SULF2: variants seen among roughly 807,000 people sequenced by gnomAD.
SULF2 encodes sulfatase 2.
Under a neutral mutation model 107.7 loss-of-function variants are expected in SULF2, and 52 were observed. The ratio of observed to expected loss-of-function variants is 0.48; its 90% CI spans 0.39 to 0.61. The LOEUF is 0.61. SULF2 is among the 20% of genes least tolerant of loss of function. The pLI is 0.00. For missense variants in SULF2, 993 were observed against 1,177.3 expected, an observed-to-expected ratio of 0.84 and a Z score of 2.29; for synonymous variants, 460 against 464.3, an observed-to-expected ratio of 0.99 and a Z score of 0.12.
chr20:47,784,345 G>T (rs1460109434), intron 1 of SULF2, among the ~76,000 whole-genome samples: 1 of 152,198 alleles, frequency 6.6e-6, no homozygotes, highest in Non-Finnish European at 1.5e-5. Flanking sequence ...AAAACAAGCT[G>T]CAGGAAGACT....
intron 4 of SULF2, among the ~76,000 whole-genome samples, chr20:47,700,081 A>G (rs899474714): frequency 1.3e-5 from 2 of 152,228 alleles, no homozygotes; most frequent in African/African-American, 4.8e-5. Flanking sequence ...GGGGGATGTC[A>G]GAGCTGACTC....
In SULF2 at chr20:47,684,551, C is replaced by G. The variant is rs201684871; in HGVS notation, c.768G>C (p.Pro256=). The stretch of plus-strand genomic sequence containing the variant: ...TGTAGCGCATGATCCAGTGTTTGTC[C>G]GGGTTGGGCGCGTAGTTGTAGCTCG... The part of the protein sequence containing the change: ...ITPSYNYAPN[P]DKHWIMRYTG... Residue 256 remains proline (P), a synonymous_variant, in exon 6 of 21, where the codon CCG becomes CCC. Coordinates refer to ENST00000688720, the MANE Select transcript of SULF2 (RefSeq NM_001387048.1). 6.2e-7 allele frequency: 1 copy of G among 1,613,894 alleles called. No individual in the cohort carries two copies. Among genetic ancestry groups the G allele is most frequent in the Non-Finnish European group, 8.5e-7 (1 of 1,179,928 alleles).
At chr20:47,719,582 A>T (rs756577991) in intron 3 of SULF2, among the ~76,000 whole-genome samples, 1 of 152,208 alleles carries the variant, frequency 6.6e-6, no homozygotes, top group Non-Finnish European at 1.5e-5. Flanking sequence ...AGCACCTATC[A>T]TCTCTAATCC....
At chr20:47,711,477 A>C (rs989711715) in intron 3 of SULF2, among the ~76,000 whole-genome samples, 5 of 152,036 alleles carry the variant, frequency 3.3e-5, no homozygotes, top group African/African-American at 4.8e-5. Flanking sequence ...GCAGGACAGA[A>C]AGCACCCGCT....
rs1369494518 is a variant in SULF2 at position 47,757,241 on chromosome 20, G to A, written c.123C>T (p.Asn41=). 4.5e-6 allele frequency: 7 copies of A among 1,568,770 alleles called. No homozygotes were observed. In the Admixed American group the frequency reaches 1.3e-4, roughly 29 times the overall value. Reference sequence around the variant, plus strand: ...GCACCAGGATGATGTTGGGGCGGATGTTCCTGCGGTCCCTCTGAAACCTGC... The same window carrying A: ...GCACCAGGATGATGTTGGGGCGGATATTCCTGCGGTCCCTCTGAAACCTGC... ...LKGRFQRDRR[N]IRPNIILVLT... is the part of the protein sequence containing the mutation. Residue 41 remains asparagine (N), a synonymous_variant, in exon 2 of 21, where the codon AAC becomes AAT. Transcript: ENST00000688720.
chr20:47,728,679 T>C (rs2089514364), intron 3 of SULF2, among the ~76,000 whole-genome samples: 1 of 152,228 alleles, frequency 6.6e-6, no homozygotes, highest in African/African-American at 2.4e-5. Context: ...AGTCTCATTC[T>C]GTCACCCAAG....
At chr20:47,711,578 A>C (rs376921858) in intron 3 of SULF2, among the ~76,000 whole-genome samples, 7 of 152,192 alleles carry the variant, frequency 4.6e-5, no homozygotes, top group African/African-American at 1.7e-4. Context: ...CTTTCGGTAC[A>C]TGTTCATCCC....
At chr20:47,741,670 G>A (rs891946122) in intron 2 of SULF2, among the ~76,000 whole-genome samples, 1 of 152,140 alleles carries the variant, frequency 6.6e-6, no homozygotes, top group East Asian at 1.9e-4. Context: ...AAGTGGAATC[G>A]ATCCTTTGCT....
In SULF2 at chr20:47,657,432, G is replaced by A. The variant is rs1195650772; in HGVS notation, c.*930C>T. 6 of 152,080 alleles carry A rather than the reference G, an allele frequency of 3.9e-5. No individual in the cohort carries two copies. The highest frequency in any genetic ancestry group is 1.3e-4 in the Admixed American group (2 of 15,270). The allele number at this position is 152,080 out of a possible 1,614,324, so 9.4% of individuals were successfully genotyped here. A position where few individuals can be genotyped will look rare whatever the true frequency, so the allele number is the denominator to read the frequency against. On this transcript the variant is annotated 3_prime_UTR_variant, in exon 21 of 21. Transcript: ENST00000688720. The stretch of plus-strand genomic sequence containing the variant: ...CCCAAGAAATGGCCTTTTACAAAAT[G>A]TCAAAGGTTCTTCATACCAACTGCT...
chr20:47,770,559 TTACTAA>T (rs1341734460), intron 1 of SULF2, among the ~76,000 whole-genome samples: 2 of 152,170 alleles, frequency 1.3e-5, no homozygotes, highest in African/African-American at 4.8e-5. Context: ...AATGCTCCAG[TTACTAA>T]TACTGTGTAA....
At chr20:47,676,444 C>T (rs773134259) in intron 10 of SULF2, 50 bp downstream of exon 10, 38 of 1,586,728 alleles carry the variant, frequency 2.4e-5, no homozygotes, top group East Asian at 1.8e-4. Flanking sequence ...AGGTCAGGGC[C>T]GGCTGCAGTC....
Position 47,785,466 on chromosome 20 carries a change from C to T in SULF2, c.-224G>A, listed in dbSNP as rs1432026127. 4.4e-5 allele frequency: 7 copies of T among 159,640 alleles called. No individual in the cohort carries two copies. The highest frequency in any genetic ancestry group is 1.5e-4 in the African/African-American group (6 of 40,540). The allele number at this position is 159,640 out of a possible 1,614,324, so 9.9% of individuals were successfully genotyped here. The stretch of plus-strand genomic sequence containing the variant: ...CCGCTGCCGCTGCCGCCGCCGCCGC[C>T]GCCGCTGCCGCTGCTGCATCCCCCG... On this transcript the variant is annotated 5_prime_UTR_variant, in exon 1 of 21. Transcript: ENST00000688720.
At chr20:47,731,423 C>A (rs954897403) in intron 3 of SULF2, among the ~76,000 whole-genome samples, 23 of 151,904 alleles carry the variant, frequency 1.5e-4, no homozygotes, top group African/African-American at 5.3e-4. Flanking sequence ...GAACTCCTGA[C>A]CTCAGGTGAT....
intron 3 of SULF2, among the ~76,000 whole-genome samples, chr20:47,714,844 G>A (rs1338607787): frequency 2.0e-5 from 3 of 152,194 alleles, no homozygotes; most frequent in African/African-American, 4.8e-5. Flanking sequence ...TGCCCTTGCT[G>A]TTACCTGAAA....
intron 1 of SULF2, 110 bp downstream of exon 1, chr20:47,785,233 T>TG (rs2090903699): frequency 8.4e-6 from 1 of 119,606 alleles, no homozygotes. Context: ...CCGGCTCACC[T>TG]GGGCGGCGCT....
At chr20:47,661,972 C>T in intron 17 of SULF2, 76 bp from the exon 18 acceptor site, 1 of 1,357,850 alleles carries the variant, frequency 7.4e-7, no homozygotes, top group Non-Finnish European at 9.6e-7. Context: ...AACCAGGGGA[C>T]ATATTTCAGG....
intron 3 of SULF2, among the ~76,000 whole-genome samples, chr20:47,703,959 C>T (rs775410518): frequency 5.3e-5 from 8 of 152,060 alleles, no homozygotes; most frequent in Non-Finnish European, 8.8e-5. Context: ...GAGAACAGGC[C>T]AAACTAATCT....
intron 7 of SULF2, among the ~76,000 whole-genome samples, chr20:47,682,326 T>C (rs2087848856): frequency 6.6e-6 from 1 of 152,180 alleles, no homozygotes; most frequent in Admixed American, 6.5e-5. Flanking sequence ...GCAGACCAAA[T>C]GACAGTCTTA....
rs753439140 is a variant in SULF2 at position 47,676,551 on chromosome 20, A to C, written c.1323T>G (p.Arg441=). The C allele has an allele frequency of 5.0e-6, 8 of 1,591,788 alleles. No homozygotes were observed. Among genetic ancestry groups the C allele is most frequent in the Non-Finnish European group, 6.8e-6 (8 of 1,169,068 alleles). ...CAGCACGCTGACACAGGTCCTTCAC[A>C]CGCTGGTACTTGGGCAGAAAGTTCT... ...QEENFLPKYQ[R]VKDLCQRAEY... Residue 441 remains arginine, a synonymous_variant, in exon 10 of 21, where the codon CGT becomes CGG. Transcript: ENST00000688720.
Sources: gnomAD v4.1 joint callset for allele counts (sites outside exome capture counted in the v4.1 genomes callset) on GRCh38, gnomAD v4.1.1 for gene constraint, MANE v1.5 for transcripts, NCBI Gene and HGNC (gene_info 2026-07-23, HGNC 2026-07-21) for gene names.